PTPRA: variants seen among roughly 807,000 people sequenced by gnomAD.
PTPRA encodes receptor-type tyrosine-protein phosphatase alpha.
In PTPRA, 25 loss-of-function variants were observed where a neutral mutation model predicts 104.8. The observed-to-expected ratio is 0.24, with a 90% CI of 0.17 to 0.33. The LOEUF is 0.33. Ranked by LOEUF, PTPRA falls within the 10% of genes least tolerant of loss-of-function variation. The pLI, the probability that PTPRA is intolerant of heterozygous loss-of-function variation, is 1.00. For missense variants in PTPRA, 765 were observed against 1,015.3 expected, an observed-to-expected ratio of 0.75 and a Z score of 3.35; for synonymous variants, 323 against 368.9, an observed-to-expected ratio of 0.88 and a Z score of 1.43.
chr20:2,865,951 G>T, the PTPRA span: 1 of 530,378 alleles, frequency 1.9e-6, no homozygotes, highest in Non-Finnish European at 3.4e-6. The surrounding 1 kb of genome is among the most constrained non-coding windows in gnomAD (Gnocchi z 5.2). Context: ...CTGTTGCAAG[G>T]GGTAATGGTG....
chr20:3,026,988 C>A, intron 18 of PTPRA, 133 bp from the exon 19 acceptor site: 1 of 1,083,420 alleles, frequency 9.2e-7, no homozygotes, highest in Non-Finnish European at 1.4e-6. Context: ...GGCTTTCTCC[C>A]TAATGAGCTA....
chr20:2,930,772 A>G (rs2060474746), intron 2 of PTPRA, among the ~76,000 whole-genome samples: 1 of 152,152 alleles, frequency 6.6e-6, no homozygotes, highest in South Asian at 2.1e-4. Context: ...TTATTTAACT[A>G]ATTACATCTT....
chr20:2,913,221 CA>C (rs1053658488), intron 1 of PTPRA, among the ~76,000 whole-genome samples: 3 of 151,904 alleles, frequency 2.0e-5, no homozygotes, highest in African/African-American at 4.8e-5. Flanking sequence ...ACTAAAAATA[CA>C]AAAAAATGAG....
chr20:3,026,579 G>T, intron 17 of PTPRA, 108 bp from the exon 18 acceptor site: 1 of 776,056 alleles, frequency 1.3e-6, no homozygotes, highest in South Asian at 1.6e-5. Flanking sequence ...GGTGAGAAGA[G>T]CAGTATGGAG....
At chr20:3,027,981 A>G (rs1247134456) in intron 20 of PTPRA, 140 bp downstream of exon 20, 12 of 1,178,564 alleles carry the variant, frequency 1.0e-5, no homozygotes, top group African/African-American at 1.5e-5. Context: ...TTTGCATAGT[A>G]TAAGTACATA....
intron 1 of PTPRA, among the ~76,000 whole-genome samples, chr20:2,884,080 T>A (rs2090230571): frequency 6.6e-6 from 1 of 152,222 alleles, no homozygotes. Context: ...ACTTCATTCC[T>A]TCTTATGGCT....
At chr20:2,868,650 T>TC (rs1555798478), upstream of PTPRA, among the ~76,000 whole-genome samples, 1 of 72,728 alleles carries the variant, frequency 1.4e-5, no homozygotes, top group Non-Finnish European at 2.5e-5. Context: ...TTTTTTTTTG[T>TC]CCCCAGTCTT....
chr20:2,916,511 T>TA (rs1352740549), intron 1 of PTPRA, among the ~76,000 whole-genome samples: 1 of 152,188 alleles, frequency 6.6e-6, no homozygotes, highest in Non-Finnish European at 1.5e-5. Flanking sequence ...CTCATGCTTA[T>TA]AATCCAAGAG....
At chr20:2,940,301 T>A (rs1307400031) in intron 2 of PTPRA, among the ~76,000 whole-genome samples, 1 of 151,970 alleles carries the variant, frequency 6.6e-6, no homozygotes, top group Non-Finnish European at 1.5e-5. Context: ...CCAATAATTA[T>A]ATCTTGTTTT....
intron 2 of PTPRA, among the ~76,000 whole-genome samples, chr20:2,933,659 C>T (rs998665410): frequency 6.6e-6 from 1 of 152,042 alleles, no homozygotes; most frequent in South Asian, 2.1e-4. Flanking sequence ...TGGGGTTTCA[C>T]GATGTTGGCT....
intron 1 of PTPRA, among the ~76,000 whole-genome samples, chr20:2,914,056 TC>T (rs1205521658): frequency 6.6e-6 from 1 of 152,254 alleles, no homozygotes; most frequent in Non-Finnish European, 1.5e-5. Flanking sequence ...CATATTTTAT[TC>T]AATAAGTTAT....
At chr20:3,021,777 C>T (rs549204232) in intron 14 of PTPRA, among the ~76,000 whole-genome samples, 62 of 152,344 alleles carry the variant, frequency 4.1e-4, no homozygotes, top group African/African-American at 1.4e-3. Context: ...TGGGCCTGCC[C>T]CTGGCCCTCC....
At chr20:2,893,555 A>G (rs1429302040) in intron 1 of PTPRA, among the ~76,000 whole-genome samples, 1 of 152,210 alleles carries the variant, frequency 6.6e-6, no homozygotes, top group Non-Finnish European at 1.5e-5. Context: ...TATATCATAT[A>G]TATCATATAT....
At chr20:3,013,135 A>G (rs2064256906) in intron 11 of PTPRA, among the ~76,000 whole-genome samples, 2 of 149,872 alleles carry the variant, frequency 1.3e-5, no homozygotes, top group Admixed American at 6.6e-5. Flanking sequence ...TCTAAATACA[A>G]TTAATCTCCA....
chr20:3,011,081 A>G (rs1326584764), intron 11 of PTPRA, among the ~76,000 whole-genome samples: 1 of 152,246 alleles, frequency 6.6e-6, no homozygotes, highest in Non-Finnish European at 1.5e-5. Context: ...TGGTAATGGC[A>G]CAGTAGAAAG....
intron 5 of PTPRA, 33 bp downstream of exon 5, chr20:2,965,235 C>G (rs778542387): frequency 1.2e-5 from 18 of 1,528,982 alleles, no homozygotes; most frequent in African/African-American, 1.4e-5. Context: ...TTCTTTTGCT[C>G]TTTGAGTTTA....
At chr20:2,881,405 A>G (rs2090042061) in intron 1 of PTPRA, among the ~76,000 whole-genome samples, 2 of 152,340 alleles carry the variant, frequency 1.3e-5, no homozygotes, top group East Asian at 1.9e-4. Context: ...AAAATTTGGA[A>G]CATAAAAAGA....
chr20:2,973,255 T>G (rs55653218), intron 5 of PTPRA, among the ~76,000 whole-genome samples: 1,973 of 152,290 alleles, frequency 0.013, 43 homozygotes, highest in African/African-American at 0.045. Context: ...ATTTCATTGA[T>G]TTTTACTTTC....
At chr20:3,024,049 C>T (rs2065015387) in intron 16 of PTPRA, among the ~76,000 whole-genome samples, 1 of 152,192 alleles carries the variant, frequency 6.6e-6, no homozygotes, top group South Asian at 2.1e-4. Context: ...TGCCCAGAGA[C>T]ATGATGAAGC....
Sources: allele counts gnomAD v4.1 joint callset (sites outside exome capture counted in the v4.1 genomes callset), GRCh38; gene constraint gnomAD v4.1.1; non-coding constraint Gnocchi (gnomAD v3.1); transcripts MANE v1.5; gene names NCBI Gene and HGNC (gene_info 2026-07-23, HGNC 2026-07-21).